The following UNC80 variants were observed in gnomAD, a reference collection of about 807,000 sequenced individuals.
The protein encoded by UNC80 is protein unc-80 homolog.
Under a neutral mutation model 384.6 loss-of-function variants are expected in UNC80, and 164 were observed. The ratio of observed to expected loss-of-function variants is 0.43; its 90% CI spans 0.38 to 0.49. The LOEUF (loss-of-function observed/expected upper bound fraction) is 0.49. Ranked by LOEUF, UNC80 falls within the 20% of genes least tolerant of loss-of-function variation. UNC80 has a pLI of 0.00. For synonymous variants in UNC80, 1,486 were observed against 1,527.8 expected (o/e 0.97, Z 0.64); for missense variants, 3,330 against 4,143.0 (o/e 0.80, Z 5.39).
At chr2:209,921,354 C>T in intron 33 of UNC80, 146 bp from the exon 34 acceptor site, 1 of 797,266 alleles carries the variant, frequency 1.3e-6, no homozygotes, top group Non-Finnish European at 1.8e-6. Context: ...GGTAAAAGGA[C>T]AAATATCCAT....
chr2:209,904,246 T>A (rs1412172489), intron 28 of UNC80, among the ~76,000 whole-genome samples: 1 of 152,166 alleles, frequency 6.6e-6, no homozygotes, highest in African/African-American at 2.4e-5. Flanking sequence ...AATGAAACTG[T>A]ACAGTAAGGT....
At chr2:209,857,764 CT>C (rs1177428692) in intron 22 of UNC80, among the ~76,000 whole-genome samples, 1 of 152,064 alleles carries the variant, frequency 6.6e-6, no homozygotes, top group Non-Finnish European at 1.5e-5. Flanking sequence ...TTTTAATTTA[CT>C]TTTAAGTACT....
intron 4 of UNC80, among the ~76,000 whole-genome samples, chr2:209,777,956 C>G (rs1427401446): frequency 1.3e-5 from 2 of 152,216 alleles, no homozygotes; most frequent in Non-Finnish European, 2.9e-5. Flanking sequence ...GCTCTATTCT[C>G]CTTTCCCCGC....
Position 209,820,103 on chromosome 2 carries a change from A to T in UNC80, c.1963-208A>T, listed in dbSNP as rs1486203084. Among the ~76,000 whole-genome samples, 4 of 152,198 alleles carry T rather than the reference A, an allele frequency of 2.6e-5. No individual in the cohort carries two copies. In the East Asian group the frequency reaches 5.8e-4, roughly 22 times the overall value. On this transcript the variant is annotated intron_variant, in intron 12 of 64. Transcript: ENST00000673920. ...TGAGATAATACATGTATATATTTTT[A>T]ATACTTTGGGTGACTTACACGCTCT...
At chr2:209,926,816 G>A (rs1427399460) in intron 35 of UNC80, 27 bp from the exon 36 acceptor site, 1 of 1,551,242 alleles carries the variant, frequency 6.4e-7, no homozygotes, top group Non-Finnish European at 8.7e-7. Flanking sequence ...ACTGAGAAAA[G>A]CACCCTGATT....
At chr2:209,823,417 C>A (rs2080277602) in intron 13 of UNC80, among the ~76,000 whole-genome samples, 1 of 152,130 alleles carries the variant, frequency 6.6e-6, no homozygotes, top group South Asian at 2.1e-4. Context: ...TGAGGCACTG[C>A]TGCATAAGGC....
intron 6 of UNC80, among the ~76,000 whole-genome samples, chr2:209,790,178 A>G (rs2077707938): frequency 6.6e-6 from 1 of 152,152 alleles, no homozygotes; most frequent in Non-Finnish European, 1.5e-5. Context: ...TTTGATCAAG[A>G]AAAGAAAGGA....
intron 51 of UNC80, among the ~76,000 whole-genome samples, chr2:209,966,181 T>C (rs2092736766): frequency 6.6e-6 from 1 of 152,170 alleles, no homozygotes; most frequent in Admixed American, 6.5e-5. Context: ...ATTCAAATAA[T>C]GGGTGGTAGT....
intron 45 of UNC80, 142 bp from the exon 46 acceptor site, chr2:209,944,909 G>A (rs11675941): frequency 0.011 from 10,234 of 929,760 alleles, 84 homozygotes; most frequent in Non-Finnish European, 0.014. Flanking sequence ...ACAGCATTGC[G>A]GGATCCAGAA....
At chr2:209,793,014 A>G (rs2077921368) in intron 6 of UNC80, among the ~76,000 whole-genome samples, 1 of 152,232 alleles carries the variant, frequency 6.6e-6, no homozygotes, top group Non-Finnish European at 1.5e-5. Flanking sequence ...TGATTGAATA[A>G]TGCCTTATTT....
intron 38 of UNC80, among the ~76,000 whole-genome samples, chr2:209,931,865 C>T (rs561167576): frequency 1.3e-4 from 20 of 152,224 alleles, no homozygotes; most frequent in East Asian, 3.9e-4. Flanking sequence ...AAGTTCAGAC[C>T]GGTACCAAAA....
chr2:209,933,065 C>G (rs914831900), intron 38 of UNC80, among the ~76,000 whole-genome samples: 43 of 152,112 alleles, frequency 2.8e-4, no homozygotes, highest in African/African-American at 1.0e-3. Flanking sequence ...TACACTATTT[C>G]TTTCTGAATA....
intron 29 of UNC80, among the ~76,000 whole-genome samples, chr2:209,909,853 T>G (rs2088708747): frequency 6.6e-6 from 1 of 152,030 alleles, no homozygotes; most frequent in Non-Finnish European, 1.5e-5. Flanking sequence ...TGACAGAGCA[T>G]GAGGCTGCAT....
chr2:209,848,012 A>G (rs1356747593), intron 21 of UNC80, among the ~76,000 whole-genome samples: 2 of 152,090 alleles, frequency 1.3e-5, no homozygotes, highest in East Asian at 3.8e-4. Context: ...TGGTATACAT[A>G]TTAGTATACT....
At chr2:209,809,575 C>T (rs1381616840) in intron 7 of UNC80, 3 of 828,510 alleles carry the variant, frequency 3.6e-6, no homozygotes, top group East Asian at 5.0e-5. Context: ...AGGGGGCCCT[C>T]GCTGACCCTA....
intron 24 of UNC80, 102 bp downstream of exon 24, chr2:209,878,191 C>G (rs1420400483): frequency 3.3e-6 from 4 of 1,198,204 alleles, no homozygotes; most frequent in Non-Finnish European, 4.4e-6. Context: ...TACCACCTCC[C>G]CATGTCTTTC....
rs544985578 is a variant in UNC80 at position 209,869,740 on chromosome 2, C to A, written c.3628-3018C>A. Among the ~76,000 whole-genome samples the A allele has an allele frequency of 2.6e-5, 4 of 152,156 alleles. No individual in the cohort carries two copies. In the South Asian group the frequency reaches 8.3e-4, roughly 32 times the overall value. ...ATGCATAAAATTCATCAGATAATTA[C>A]CAACCTCCCCCTTATGTTTTACCAT... On this transcript the variant is annotated intron_variant, in intron 22 of 64. Coordinates refer to ENST00000673920, the MANE Select transcript of UNC80 (RefSeq NM_001371986.1).
chr2:209,985,030 A>G, intron 61 of UNC80, 118 bp downstream of exon 61: 1 of 854,592 alleles, frequency 1.2e-6, no homozygotes, highest in Non-Finnish European at 1.7e-6. Context: ...ATCTATTTCC[A>G]TTCCTTGCCC....
chr2:209,815,481 G>A (rs2079666948), intron 9 of UNC80, 90 bp downstream of exon 9: 1 of 1,386,914 alleles, frequency 7.2e-7, no homozygotes, highest in East Asian at 2.5e-5. Flanking sequence ...TGCAGTATGG[G>A]GTGAGGTGGG....
Sources: allele counts gnomAD v4.1 joint callset (sites outside exome capture counted in the v4.1 genomes callset), GRCh38; gene constraint gnomAD v4.1.1; transcripts MANE v1.5; gene names NCBI Gene and HGNC (gene_info 2026-07-23, HGNC 2026-07-21).